Variants in SLC9A9 observed in about 807,000 individuals in gnomAD.
SLC9A9 encodes solute carrier family 9 member A9.
In SLC9A9, 62 loss-of-function variants were observed where a neutral mutation model predicts 77.8. The ratio of observed to expected loss-of-function variants is 0.80; its 90% confidence interval spans 0.65 to 0.98. SLC9A9 has a LOEUF of 0.98. Ranked by LOEUF, SLC9A9 falls within the 50% of genes least tolerant of loss-of-function variation. The pLI, the probability that SLC9A9 is intolerant of heterozygous loss-of-function variation, is 0.00. For missense variants in SLC9A9, 775 were observed against 774.9 expected, an observed-to-expected ratio of 1.00 and a Z score of 0.00; for synonymous variants, 320 against 283.5, an observed-to-expected ratio of 1.13 and a Z score of -1.29.
intron 4 of SLC9A9, among the ~76,000 whole-genome samples, chr3:143,741,186 GAA>G (rs1017619230): frequency 3.3e-5 from 5 of 152,130 alleles, no homozygotes; most frequent in African/African-American, 1.2e-4. Flanking sequence ...CTTCTTTGGA[GAA>G]ATAGCTGTTC....
rs550384637 is a variant in SLC9A9 at position 143,313,410 on chromosome 3, A to G, written c.1605-44430T>C. The G allele has an allele frequency of 1.4e-4, 21 of 152,342 alleles. 1 individual carries two copies. The highest frequency in any genetic ancestry group is 1.2e-3 in the Admixed American group (18 of 15,302). The allele number at this position is 152,342 out of a possible 1,614,324, so 9.4% of individuals were successfully genotyped here. Reference sequence around the variant, plus strand: ...TAGCTCTACAGGTAATTCACAAAACATACCCAGGACCAGCCAGTTTTGGGA... The same window carrying G: ...TAGCTCTACAGGTAATTCACAAAACGTACCCAGGACCAGCCAGTTTTGGGA... On this transcript the variant is annotated intron_variant, in intron 14 of 15. Transcript: ENST00000316549.
At chr3:143,657,331 T>G (rs1171581232) in intron 5 of SLC9A9, among the ~76,000 whole-genome samples, 1 of 152,190 alleles carries the variant, frequency 6.6e-6, no homozygotes, top group Non-Finnish European at 1.5e-5. Flanking sequence ...ATTTTAACCA[T>G]CAATATGCTA....
chr3:143,762,397 T>C (rs2007163601), intron 4 of SLC9A9, among the ~76,000 whole-genome samples: 1 of 152,180 alleles, frequency 6.6e-6, no homozygotes. Flanking sequence ...ATCTTTTCTT[T>C]GTAGAATGGT....
intron 4 of SLC9A9, among the ~76,000 whole-genome samples, chr3:143,792,686 G>A (rs1407909953): frequency 6.6e-6 from 1 of 152,006 alleles, no homozygotes; most frequent in East Asian, 1.9e-4. Context: ...ATGTTCCCTA[G>A]ATCTCTTTCC....
At chr3:143,670,224 T>G (rs2039136316) in intron 5 of SLC9A9, among the ~76,000 whole-genome samples, 1 of 152,196 alleles carries the variant, frequency 6.6e-6, no homozygotes, top group South Asian at 2.1e-4. Flanking sequence ...CTTCCACATC[T>G]AAATTTCTAT....
chr3:143,806,996 C>T (rs2008735317), intron 2 of SLC9A9, among the ~76,000 whole-genome samples: 1 of 152,184 alleles, frequency 6.6e-6, no homozygotes, highest in Non-Finnish European at 1.5e-5. Context: ...TGGGCATTGT[C>T]AGAACCTCCC....
chr3:143,719,904 C>T (rs1216478958), intron 4 of SLC9A9, among the ~76,000 whole-genome samples: 1 of 152,004 alleles, frequency 6.6e-6, no homozygotes, highest in African/African-American at 2.4e-5. Context: ...ACAGTGAGAC[C>T]CCTTACAGCT....
At chr3:143,814,253 C>T (rs147286728) in intron 2 of SLC9A9, among the ~76,000 whole-genome samples, 9 of 152,098 alleles carry the variant, frequency 5.9e-5, no homozygotes, top group Admixed American at 3.9e-4. Flanking sequence ...GTTGGAGGTG[C>T]CTGTACGTCA....
chr3:143,481,687 T>G (rs986986564), intron 11 of SLC9A9, among the ~76,000 whole-genome samples: 1 of 152,180 alleles, frequency 6.6e-6, no homozygotes, highest in Non-Finnish European at 1.5e-5. Flanking sequence ...CAGATTTGGA[T>G]TCAGGGCTTC....
At chr3:143,498,415 A>T (rs1432481860) in intron 9 of SLC9A9, among the ~76,000 whole-genome samples, 1 of 152,012 alleles carries the variant, frequency 6.6e-6, no homozygotes, top group Non-Finnish European at 1.5e-5. Flanking sequence ...TTAGCCAGGG[A>T]TGGTGGTGTG....
chr3:143,295,579 T>C (rs777158983), intron 14 of SLC9A9, among the ~76,000 whole-genome samples: 26 of 152,206 alleles, frequency 1.7e-4, no homozygotes, highest in Non-Finnish European at 2.9e-4. Context: ...TGAGACATTC[T>C]TAGAAAAACA....
chr3:143,583,254 A>G (rs1057139439), intron 6 of SLC9A9, among the ~76,000 whole-genome samples: 3 of 152,222 alleles, frequency 2.0e-5, no homozygotes, highest in Non-Finnish European at 4.4e-5. Flanking sequence ...TAGATTATTC[A>G]GCAAAATTAG....
intron 12 of SLC9A9, among the ~76,000 whole-genome samples, chr3:143,399,553 A>T (rs1444616624): frequency 6.6e-6 from 1 of 152,180 alleles, no homozygotes; most frequent in African/African-American, 2.4e-5. Flanking sequence ...AGAAAGGCAA[A>T]GAGGAAAAGA....
At chr3:143,823,780 A>G (rs1458268153) in intron 2 of SLC9A9, among the ~76,000 whole-genome samples, 1 of 151,904 alleles carries the variant, frequency 6.6e-6, no homozygotes, top group Non-Finnish European at 1.5e-5. Context: ...AAATTTTAAT[A>G]AAATATAAGA....
At chr3:143,786,208 T>C (rs371739716) in intron 4 of SLC9A9, among the ~76,000 whole-genome samples, 2 of 152,218 alleles carry the variant, frequency 1.3e-5, no homozygotes, top group East Asian at 3.8e-4. Context: ...TTAGGATAGG[T>C]TGTTTAATAA....
intron 5 of SLC9A9, among the ~76,000 whole-genome samples, chr3:143,677,791 AT>A (rs1457169742): frequency 2.7e-5 from 4 of 145,906 alleles, no homozygotes; most frequent in Non-Finnish European, 6.0e-5. Context: ...GAACAAGTGG[AT>A]TTGTGTGTCT....
intron 9 of SLC9A9, among the ~76,000 whole-genome samples, chr3:143,549,706 C>G (rs892074376): frequency 1.3e-5 from 2 of 152,144 alleles, no homozygotes; most frequent in Non-Finnish European, 2.9e-5. Flanking sequence ...TTTGTTTCCC[C>G]TAGATGCTGG....
intron 4 of SLC9A9, among the ~76,000 whole-genome samples, chr3:143,751,998 G>T (rs2006736329): frequency 6.6e-6 from 1 of 152,162 alleles, no homozygotes; most frequent in Non-Finnish European, 1.5e-5. Context: ...GAAGAACCAG[G>T]GCTGGGAGGA....
At chr3:143,753,975 A>G (rs933494358) in intron 4 of SLC9A9, among the ~76,000 whole-genome samples, 2 of 150,286 alleles carry the variant, frequency 1.3e-5, no homozygotes, top group South Asian at 2.1e-4. Flanking sequence ...ATTTTTCCCT[A>G]CAATCAAGCA....
Sources: gnomAD v4.1 joint callset for allele counts (sites outside exome capture counted in the v4.1 genomes callset) on GRCh38, gnomAD v4.1.1 for gene constraint, MANE v1.5 for transcripts, NCBI Gene and HGNC (gene_info 2026-07-23, HGNC 2026-07-21) for gene names.